ATP2C2: variants seen among roughly 807,000 people sequenced by gnomAD.
ATP2C2 encodes ATPase secretory pathway Ca2+ transporting 2, also known as calcium-transporting ATPase type 2C member 2.
Under a neutral mutation model 110.8 loss-of-function variants are expected in ATP2C2, and 171 were observed. That is an observed-to-expected ratio of 1.54 (90% CI 1.36 to 1.75). ATP2C2 has a LOEUF of 1.75. Ranked by LOEUF, ATP2C2 falls within the 40% of genes most tolerant of loss-of-function variation. The pLI is 0.00. For missense variants in ATP2C2, 1,963 were observed against 1,235.0 expected (o/e 1.59, Z -8.84); for synonymous variants, 804 against 508.4 (o/e 1.58, Z -7.82).
chr16:84,463,416 G>A lies in ATP2C2; in HGVS notation c.2723-198G>A, dbSNP rs181948713. ...CTCTGGAGCTGCCTGGTGTTTGCCT[G>A]GAACCACAGGCAGGCCCTTCTGGAA... On this transcript the variant is annotated intron_variant, in intron 26 of 26. Transcript: ENST00000262429. Among the ~76,000 whole-genome samples, 962 of 152,248 alleles carry A rather than the reference G, an allele frequency of 6.3e-3. 8 individuals carry two copies. The highest frequency in any genetic ancestry group is 9.9e-3 in the Non-Finnish European group (675 of 68,018).
intron 2 of ATP2C2, among the ~76,000 whole-genome samples, chr16:84,402,866 C>T (rs1306337390): frequency 6.6e-6 from 1 of 152,144 alleles, no homozygotes; most frequent in Non-Finnish European, 1.5e-5. Context: ...ATTGGTATCG[C>T]TTCTTCGAGT....
At chr16:84,444,962 G>A (rs1377588317) in intron 15 of ATP2C2, among the ~76,000 whole-genome samples, 1 of 152,112 alleles carries the variant, frequency 6.6e-6, no homozygotes, top group East Asian at 1.9e-4. Context: ...TAGGGTCTTG[G>A]GGTTACTGAA....
At chr16:84,376,874 C>T (rs998754057) in intron 1 of ATP2C2, among the ~76,000 whole-genome samples, 2 of 152,236 alleles carry the variant, frequency 1.3e-5, no homozygotes, top group South Asian at 2.1e-4. Flanking sequence ...GCACTGGCCT[C>T]ATGCCAGTGA....
chr16:84,462,385 C>T (rs1911468354), intron 26 of ATP2C2: 1 of 421,694 alleles, frequency 2.4e-6, no homozygotes, highest in Non-Finnish European at 4.2e-6. Flanking sequence ...GGGGCACCGG[C>T]ATCCCAGGCG....
rs756056133 is a variant in ATP2C2, at chr16:84,463,673, C to G, written c.2782C>G (p.Leu928Val). 4 of 1,614,228 alleles carry G rather than the reference C, an allele frequency of 2.5e-6. No homozygotes were observed. The South Asian group carries it at 3.3e-5, about 13-fold the overall frequency. ...SVFILSELLK[L>V]CEKYCCSPKR... ...CTTCATTTTGTCAGAGCTCCTCAAA[C>G]TATGTGAAAAATACTGTTGCAGCCC... The change falls in exon 27 of 27, where the codon CTA (leucine) becomes GTA (valine). Residue 928 changes from leucine to valine, a missense_variant. Leu to Val is a conservative substitution (Grantham distance 32). Transcript: ENST00000262429.
Position 84,463,401 on chromosome 16 carries a change from G to C in ATP2C2, c.2723-213G>C, listed in dbSNP as rs143910542. Among the ~76,000 whole-genome samples the C allele has an allele frequency of 9.3e-4, 141 of 152,248 alleles. 2 individuals carry two copies. The highest frequency in any genetic ancestry group is 3.1e-3 in the African/African-American group (128 of 41,532). On this transcript the variant is annotated intron_variant, in intron 26 of 26. Transcript: ENST00000262429. ...CAGACCCACCCTGTGCTCTGGAGCT[G>C]CCTGGTGTTTGCCTGGAACCACAGG...
chr16:84,374,984 G>A (rs1261031994), intron 1 of ATP2C2, among the ~76,000 whole-genome samples: 1 of 152,206 alleles, frequency 6.6e-6, no homozygotes, highest in Non-Finnish European at 1.5e-5. Flanking sequence ...TGTTGAGAAG[G>A]ATGGTATTCG....
At chr16:84,451,751 C>T (rs1247534908) in intron 17 of ATP2C2, among the ~76,000 whole-genome samples, 170 bp from the exon 18 acceptor site, 2 of 152,014 alleles carry the variant, frequency 1.3e-5, no homozygotes, top group African/African-American at 4.8e-5. Flanking sequence ...GGCAGGAGAA[C>T]GGTTTGAACC....
chr16:84,421,026 G>A (rs192819095), intron 7 of ATP2C2, among the ~76,000 whole-genome samples: 4 of 152,204 alleles, frequency 2.6e-5, no homozygotes, highest in African/African-American at 9.6e-5. Context: ...GGCTGGTCTC[G>A]AACTCCTGAC....
intron 4 of ATP2C2, among the ~76,000 whole-genome samples, chr16:84,410,012 T>G (rs1256968293): frequency 1.7e-4 from 26 of 151,942 alleles, no homozygotes; most frequent in Admixed American, 1.6e-3. Context: ...ATCGAGACCA[T>G]CCTGGCCCAC....
chr16:84,403,488 TG>T (rs1351069326), intron 2 of ATP2C2, among the ~76,000 whole-genome samples: 2 of 152,022 alleles, frequency 1.3e-5, no homozygotes, highest in Non-Finnish European at 2.9e-5. Flanking sequence ...AAAATTTTTT[TG>T]TAGAGCCAAG....
chr16:84,454,936 A>G lies in ATP2C2; in HGVS notation c.2099A>G (p.Lys700Arg), dbSNP rs752585369. The G allele has an allele frequency of 3.7e-6, 6 of 1,613,908 alleles. No individual in the cohort carries two copies. Among genetic ancestry groups the G allele is most frequent in the South Asian group, 1.1e-5 (1 of 91,052 alleles). Residue 700 changes from lysine (K) to arginine (R), a missense_variant, in exon 21 of 27, where the codon AAA becomes AGA. Physicochemically the swap from Lys to Arg is conservative, Grantham distance 26 (BLOSUM62 2). Coordinates refer to ENST00000262429, the MANE Select transcript of ATP2C2 (RefSeq NM_014861.4). ...GGGCAGACAGGGACGGACGTCAGCAAAGAGGCCGCCAACATGATCCTGGTG... is the reference window on the plus strand; with the variant it reads ...GGGCAGACAGGGACGGACGTCAGCAGAGAGGCCGCCAACATGATCCTGGTG... Reference protein sequence around the residue: ...AMGQTGTDVSKEAANMILVDD... With the variant: ...AMGQTGTDVSREAANMILVDD...
At chr16:84,423,953 C>T (rs1176201990) in intron 10 of ATP2C2, among the ~76,000 whole-genome samples, 2 of 152,228 alleles carry the variant, frequency 1.3e-5, no homozygotes, top group African/African-American at 2.4e-5. Context: ...AGTGCTGCCC[C>T]AGTCCCTTCT....
At chr16:84,414,535 C>T (rs757767667) in intron 6 of ATP2C2, among the ~76,000 whole-genome samples, 26 of 152,204 alleles carry the variant, frequency 1.7e-4, no homozygotes, top group Non-Finnish European at 3.1e-4. Context: ...CAAACATCCA[C>T]TCATGTCTCT....
intron 18 of ATP2C2, among the ~76,000 whole-genome samples, chr16:84,452,846 G>A (rs946233007): frequency 1.3e-4 from 20 of 152,126 alleles, no homozygotes; most frequent in South Asian, 2.1e-4. Flanking sequence ...GCTGGGAAAA[G>A]GTTCACGGGC....
At chr16:84,434,432 C>G (rs565723141) in intron 11 of ATP2C2, among the ~76,000 whole-genome samples, 1 of 151,894 alleles carries the variant, frequency 6.6e-6, no homozygotes, top group East Asian at 1.9e-4. Context: ...AAAAAACAAA[C>G]AAACAAAAAA....
At position 84,454,838 on chromosome 16, in the gene ATP2C2, G is replaced by C; in HGVS notation, c.2001G>C (p.Ala667=). ...KIIKALQESG[A]IVAMTGDGVN... ...CAAAGGCTCTGCAGGAGTCAGGGGC[G>C]ATCGTGGCCATGACTGGGGATGGGG... The change falls in exon 21 of 27, where the codon GCG becomes GCC. Residue 667 remains alanine (A), a synonymous_variant. Transcript: ENST00000262429. 1.2e-6 allele frequency: 2 copies of C among 1,610,798 alleles called. No homozygotes were observed. Among genetic ancestry groups the C allele is most frequent in the Non-Finnish European group, 1.7e-6 (2 of 1,178,650 alleles).
At chr16:84,430,793 C>T (rs940480886) in intron 11 of ATP2C2, among the ~76,000 whole-genome samples, 17 of 152,078 alleles carry the variant, frequency 1.1e-4, no homozygotes, top group African/African-American at 3.6e-4. Context: ...CTCCTTTTTA[C>T]AGATTGGGAA....
intron 11 of ATP2C2, chr16:84,438,900 A>G (rs1433066528): frequency 2.9e-6 from 1 of 344,426 alleles, no homozygotes; most frequent in Non-Finnish European, 5.3e-6. Context: ...AAAGAGGCAA[A>G]ACAGCTGACA....
Sources: allele counts gnomAD v4.1 joint callset (sites outside exome capture counted in the v4.1 genomes callset), GRCh38; gene constraint gnomAD v4.1.1; transcripts MANE v1.5; gene names NCBI Gene and HGNC (gene_info 2026-07-23, HGNC 2026-07-21).